PPP1R36: variants seen among roughly 807,000 people sequenced by gnomAD.
PPP1R36 encodes the protein chromosome 14 open reading frame 50.
In PPP1R36, 47 loss-of-function variants were observed where a neutral mutation model predicts 53.4. The ratio of observed to expected loss-of-function variants is 0.88; its 90% CI spans 0.70 to 1.12. The LOEUF (loss-of-function observed/expected upper bound fraction) is 1.12. PPP1R36 is among the 50% of genes most tolerant of loss of function. PPP1R36 has a pLI of 0.00. For missense variants in PPP1R36, 456 were observed against 513.9 expected, an observed-to-expected ratio of 0.89 and a Z score of 1.09; for synonymous variants, 153 against 170.5, an observed-to-expected ratio of 0.90 and a Z score of 0.80.
intron 3 of PPP1R36, among the ~76,000 whole-genome samples, chr14:64,556,728 C>CA (rs202066558): frequency 0.033 from 4,792 of 143,086 alleles, 99 homozygotes; most frequent in Middle Eastern, 0.062. Context: ...TGTGCTCTAG[C>CA]CTGGGTGGTA....
intron 8 of PPP1R36, among the ~76,000 whole-genome samples, chr14:64,579,481 G>A (rs966068141): frequency 1.3e-5 from 2 of 152,142 alleles, no homozygotes; most frequent in African/African-American, 4.8e-5. Flanking sequence ...GGTTCAGCTT[G>A]CTATAGACTT....
intron 3 of PPP1R36, among the ~76,000 whole-genome samples, chr14:64,560,103 C>CAAAAAAAAA (rs1171697200): frequency 1.8e-4 from 5 of 27,478 alleles, no homozygotes; most frequent in East Asian, 1.5e-3. Flanking sequence ...GAATCTGTCA[C>CAAAAAAAAA]AAAAAAAAAA....
chr14:64,586,884 G>A lies in PPP1R36; in HGVS notation c.711+5G>A. The A allele has an allele frequency of 1.2e-6, 2 of 1,609,960 alleles. No individual in the cohort carries two copies. The highest frequency in any genetic ancestry group is 1.7e-6 in the Non-Finnish European group (2 of 1,176,648). Reference sequence around the variant, plus strand: ...AAAGACTGGAAGTTCTTTGAGGTGAGTCACTTATGTTTTGGTGCTTTTTGA... The same window carrying A: ...AAAGACTGGAAGTTCTTTGAGGTGAATCACTTATGTTTTGGTGCTTTTTGA... On this transcript the variant is annotated splice_donor_5th_base_variant and intron_variant, in intron 9 of 11. Transcript: ENST00000298705.
intron 10 of PPP1R36, among the ~76,000 whole-genome samples, chr14:64,587,605 C>T (rs2080446525): frequency 6.6e-6 from 1 of 151,716 alleles, no homozygotes; most frequent in Non-Finnish European, 1.5e-5. Context: ...GGATTACAGA[C>T]ATGCGCCACC....
At chr14:64,586,119 T>C (rs1436230353) in intron 8 of PPP1R36, 1 of 152,162 alleles carries the variant, frequency 6.6e-6, no homozygotes. Context: ...TTTGTACTTT[T>C]AGTAGAGCTA....
intron 8 of PPP1R36, among the ~76,000 whole-genome samples, chr14:64,584,168 C>T (rs2080413342): frequency 6.6e-6 from 1 of 152,144 alleles, no homozygotes; most frequent in East Asian, 1.9e-4. Context: ...TCCCAAAGTG[C>T]TGGGATTACA....
At chr14:64,570,722 C>G (rs2080295926) in intron 7 of PPP1R36, among the ~76,000 whole-genome samples, 1 of 152,142 alleles carries the variant, frequency 6.6e-6, no homozygotes, top group Non-Finnish European at 1.5e-5. Flanking sequence ...TGTATCTTAA[C>G]CCAGTGCATG....
intron 2 of PPP1R36, chr14:64,551,732 T>A (rs1038284847): frequency 1.5e-5 from 7 of 452,730 alleles, no homozygotes; most frequent in Non-Finnish European, 3.1e-5. Context: ...TGTCTAATGC[T>A]AAAGCCCTTT....
At chr14:64,572,434 C>A (rs571927582) in intron 7 of PPP1R36, among the ~76,000 whole-genome samples, 2 of 152,254 alleles carry the variant, frequency 1.3e-5, no homozygotes, top group East Asian at 1.9e-4. Context: ...GGTTTCCAGA[C>A]ACAGAAATGT....
At position 64,574,574 on chromosome 14, in the gene PPP1R36, A is replaced by G; in HGVS notation, c.653A>G (p.His218Arg). ...VLGLAVPDKH[H>R]MCCGKEKISD... is the part of the protein sequence containing the mutation. ...GGCTTGGCCGTGCCGGATAAGCATCACATGTGCTGTGGAAAGTAAGCAGAT... is the reference window on the plus strand; with the variant it reads ...GGCTTGGCCGTGCCGGATAAGCATCGCATGTGCTGTGGAAAGTAAGCAGAT... Residue 218 changes from histidine to arginine, a missense_variant, in exon 8 of 12, where the codon CAC becomes CGC. By Grantham distance (29) the His-to-Arg change is conservative (BLOSUM62 0). Transcript: ENST00000298705. 2 of 1,612,944 alleles carry G rather than the reference A, an allele frequency of 1.2e-6. No homozygotes were observed. Among genetic ancestry groups the G allele is most frequent in the Non-Finnish European group, 1.7e-6 (2 of 1,179,634 alleles).
At chr14:64,588,019 C>G in intron 10 of PPP1R36, 85 bp from the exon 11 acceptor site, 1 of 1,297,720 alleles carries the variant, frequency 7.7e-7, no homozygotes, top group Non-Finnish European at 1.1e-6. Context: ...GTTGGGATTA[C>G]AGGCATGAGC....
chr14:64,574,101 G>A (rs1183299684), intron 7 of PPP1R36, among the ~76,000 whole-genome samples: 1 of 152,038 alleles, frequency 6.6e-6, no homozygotes, highest in African/African-American at 2.4e-5. Context: ...TTATGGCTGG[G>A]CACACTGGCT....
chr14:64,582,091 C>A (rs1027852702), intron 8 of PPP1R36, among the ~76,000 whole-genome samples: 3 of 152,116 alleles, frequency 2.0e-5, no homozygotes, highest in Non-Finnish European at 4.4e-5. Context: ...AAAAGGGAGT[C>A]TTTTTGAAAC....
chr14:64,574,415 C>T, intron 7 of PPP1R36, 40 bp from the exon 8 acceptor site: 1 of 1,577,226 alleles, frequency 6.3e-7, no homozygotes, highest in Non-Finnish European at 8.6e-7. Flanking sequence ...GCACTTATGA[C>T]AATTAACCCA....
chr14:64,587,447 CCTTT>C (rs2080443934), intron 10 of PPP1R36, 75 bp downstream of exon 10: 1 of 321,762 alleles, frequency 3.1e-6, no homozygotes, highest in Non-Finnish European at 4.7e-6. Context: ...TCTTTTTTCT[CCTTT>C]TTTTTTTTTT....
intron 3 of PPP1R36, among the ~76,000 whole-genome samples, chr14:64,560,374 A>G (rs1368124722): frequency 6.6e-6 from 1 of 150,500 alleles, no homozygotes; most frequent in East Asian, 2.0e-4. Context: ...CCCTTGAGGT[A>G]GAGGCTGTAG....
chr14:64,560,955 C>T (rs1221411304), intron 3 of PPP1R36, among the ~76,000 whole-genome samples: 1 of 152,146 alleles, frequency 6.6e-6, no homozygotes, highest in Non-Finnish European at 1.5e-5. Context: ...ATATGAAGCT[C>T]TGAGAGGGCC....
At chr14:64,584,803 A>G (rs2080418289) in intron 8 of PPP1R36, among the ~76,000 whole-genome samples, 1 of 152,210 alleles carries the variant, frequency 6.6e-6, no homozygotes, top group Admixed American at 6.5e-5. Context: ...TGAAGACCAG[A>G]TATGATAATA....
At chr14:64,589,020 GAGAA>G (rs1486445654) in intron 11 of PPP1R36, 128 bp from the exon 12 acceptor site, 10 of 606,352 alleles carry the variant, frequency 1.6e-5, no homozygotes, top group Middle Eastern at 2.7e-4. Context: ...TTTAAAAAGA[GAGAA>G]AGAGTATATC....
Sources: allele counts gnomAD v4.1 joint callset (sites outside exome capture counted in the v4.1 genomes callset), GRCh38; gene constraint gnomAD v4.1.1; transcripts MANE v1.5; gene names NCBI Gene and HGNC (gene_info 2026-07-23, HGNC 2026-07-21).